The following SCAMP4 variants were observed in gnomAD, a reference collection of about 807,000 sequenced individuals.
SCAMP4 encodes the protein secretory carrier membrane protein 4.
In SCAMP4, 19 loss-of-function variants were observed where a neutral mutation model predicts 32.1. The observed-to-expected ratio is 0.59, with a 90% CI of 0.41 to 0.87. The LOEUF (loss-of-function observed/expected upper bound fraction) is 0.87. Among genes scored for constraint, SCAMP4 ranks in the 40% least tolerant of loss-of-function variants. The pLI is 0.00. For synonymous variants in SCAMP4, 152 were observed against 132.7 expected (o/e 1.15, Z -1.00); for missense variants, 302 against 309.0 (o/e 0.98, Z 0.17).
chr19:1,921,883 G>T (rs917983440), intron 5 of SCAMP4: 1 of 985,462 alleles, frequency 1.0e-6, no homozygotes, highest in Non-Finnish European at 1.2e-6. Flanking sequence ...GAGGCTCCAA[G>T]CAGGCGAACA....
chr19:1,922,956 G>A, intron 5 of SCAMP4, 114 bp from the exon 6 acceptor site: 3 of 1,388,698 alleles, frequency 2.2e-6, no homozygotes, highest in South Asian at 3.3e-5. Context: ...TGTATGAGCT[G>A]TCCACTCCTT....
intron 5 of SCAMP4, chr19:1,922,791 A>G (rs1452156058): frequency 9.0e-7 from 1 of 1,105,448 alleles, no homozygotes; most frequent in East Asian, 5.8e-5. Context: ...CACTGCTGCG[A>G]TGGTGAAGGG....
intron 6 of SCAMP4, among the ~76,000 whole-genome samples, 195 bp downstream of exon 6, chr19:1,923,382 C>T (rs138275272): frequency 3.4e-4 from 51 of 152,224 alleles, no homozygotes; most frequent in African/African-American, 9.6e-4. Context: ...AGGGACCCAG[C>T]GCCTGGGTTC....
intron 5 of SCAMP4, chr19:1,921,080 A>G: frequency 1.0e-6 from 1 of 985,412 alleles, no homozygotes; most frequent in Non-Finnish European, 1.2e-6. Flanking sequence ...GAGAGAAATC[A>G]AACCACAGCG....
At chr19:1,922,727 C>A (rs1232973119) in intron 5 of SCAMP4, 1 of 1,008,854 alleles carries the variant, frequency 9.9e-7, no homozygotes, top group African/African-American at 1.7e-5. Context: ...CCGCCGGACT[C>A]ACTGAGGGAA....
At chr19:1,920,103 G>A in intron 5 of SCAMP4, 1 of 984,988 alleles carries the variant, frequency 1.0e-6, no homozygotes, top group Non-Finnish European at 1.2e-6. Flanking sequence ...GAGCCACTGT[G>A]CCTGGCCAAA....
chr19:1,911,328 C>T (rs1018094738), intron 1 of SCAMP4, among the ~76,000 whole-genome samples: 9 of 152,168 alleles, frequency 5.9e-5, no homozygotes, highest in East Asian at 1.9e-4. Flanking sequence ...TGTGCCACCA[C>T]GCCCAGCTAA....
At chr19:1,912,739 G>T (rs1481520117) in intron 1 of SCAMP4, 1 of 1,540,448 alleles carries the variant, frequency 6.5e-7, no homozygotes, top group African/African-American at 1.4e-5. Flanking sequence ...CACGACTGCA[G>T]CTGCGCGGAC....
At chr19:1,909,182 G>A (rs2145427126) in intron 1 of SCAMP4, among the ~76,000 whole-genome samples, 1 of 152,260 alleles carries the variant, frequency 6.6e-6, no homozygotes, top group Middle Eastern at 3.4e-3. Context: ...GAGTCTGTGG[G>A]GGCAGATGCA....
intron 5 of SCAMP4, chr19:1,922,139 G>C: frequency 3.0e-6 from 3 of 985,482 alleles, no homozygotes; most frequent in Non-Finnish European, 3.6e-6. Flanking sequence ...CAAAATGACT[G>C]TTTTCTGCCT....
Position 1,905,415 on chromosome 19 carries a change from C to G in SCAMP4, c.-66C>G, listed in dbSNP as rs78192399. ...CCGGTTGCTAAGACTTGGCGAAGCG[C>G]TGCGCTCGCGCCCGGATCCCTCAGG... is the stretch of plus-strand genomic sequence containing the variant. On this transcript the variant is annotated 5_prime_UTR_variant, in exon 1 of 7. Transcript: ENST00000316097. 690 of 463,730 alleles carry G rather than the reference C, an allele frequency of 1.5e-3. 4 individuals carry two copies. The highest frequency in any genetic ancestry group is 0.013 in the African/African-American group (648 of 49,296). The allele number at this position is 463,730 out of a possible 1,614,324, so 28.7% of individuals were successfully genotyped here.
intron 1 of SCAMP4, chr19:1,912,012 C>A: frequency 7.1e-7 from 1 of 1,415,922 alleles, no homozygotes; most frequent in Non-Finnish European, 9.2e-7. Context: ...CCGGGACGGA[C>A]TCCCCGGCTC....
chr19:1,918,386 A>G (rs997864199), intron 4 of SCAMP4, 103 bp downstream of exon 4: 8 of 1,272,148 alleles, frequency 6.3e-6, no homozygotes, highest in Non-Finnish European at 7.4e-6. Context: ...TTCTCTGCCC[A>G]GTGTGAAAGA....
chr19:1,917,366 G>A (rs2013766191), intron 2 of SCAMP4, among the ~76,000 whole-genome samples: 1 of 152,238 alleles, frequency 6.6e-6, no homozygotes, highest in African/African-American at 2.4e-5. Context: ...GACAGTTCTG[G>A]AGACCAGAAA....
intron 5 of SCAMP4, chr19:1,922,162 AG>A: frequency 1.0e-6 from 1 of 985,476 alleles, no homozygotes; most frequent in Non-Finnish European, 1.2e-6. Context: ...TGGGTCTCAA[AG>A]GCAGGTGCAA....
intron 2 of SCAMP4, among the ~76,000 whole-genome samples, chr19:1,916,997 G>A (rs762601791): frequency 6.6e-5 from 10 of 152,222 alleles, no homozygotes; most frequent in African/African-American, 9.6e-5. Flanking sequence ...AGGGTGACAC[G>A]TAAATTTAAA....
At chr19:1,917,261 G>A (rs750612492) in intron 2 of SCAMP4, among the ~76,000 whole-genome samples, 2 of 152,182 alleles carry the variant, frequency 1.3e-5, no homozygotes, top group African/African-American at 2.4e-5. Flanking sequence ...AGCCGAGATC[G>A]CACCACTGCC....
chr19:1,914,870 T>A, intron 1 of SCAMP4, 109 bp from the exon 2 acceptor site: 1 of 896,200 alleles, frequency 1.1e-6, no homozygotes, highest in Non-Finnish European at 1.8e-6. Context: ...CCACTGCTGT[T>A]TCCAGAGCAC....
Position 1,913,051 on chromosome 19 carries a change from C to T in SCAMP4, c.-41-1928C>T. On this transcript the variant is annotated intron_variant, in intron 1 of 6. Transcript: ENST00000316097. ...CCCTCGCCCGACGGCGCCCTGGGCACCCGCTTCCGCATCCACGCACGGCCC... is the reference window on the plus strand; with the variant it reads ...CCCTCGCCCGACGGCGCCCTGGGCATCCGCTTCCGCATCCACGCACGGCCC... 5 of 1,603,380 alleles carry T rather than the reference C, an allele frequency of 3.1e-6. No homozygotes were observed. The highest frequency in any genetic ancestry group is 4.2e-6 in the Non-Finnish European group (5 of 1,179,048).
Sources: allele counts gnomAD v4.1 joint callset (sites outside exome capture counted in the v4.1 genomes callset), GRCh38; gene constraint gnomAD v4.1.1; transcripts MANE v1.5; gene names NCBI Gene and HGNC (gene_info 2026-07-23, HGNC 2026-07-21).